The following SEM1 variants were observed in gnomAD, a reference collection of about 807,000 sequenced individuals.
SEM1 encodes the protein SEM1 26S proteasome subunit, also known as 26S proteasome complex subunit SEM1.
A neutral mutation model predicts 12.7 loss-of-function variants in SEM1; 3 were observed. The ratio of observed to expected loss-of-function variants is 0.24; its 90% CI spans 0.11 to 0.61. SEM1 has a LOEUF of 0.61. Ranked by LOEUF, SEM1 falls within the 20% of genes least tolerant of loss-of-function variation. SEM1 has a pLI of 0.88. For missense variants in SEM1, 59 were observed against 81.3 expected, an observed-to-expected ratio of 0.73 and a Z score of 1.06; for synonymous variants, 30 against 27.8, an observed-to-expected ratio of 1.08 and a Z score of -0.25.
intron 2 of SEM1, among the ~76,000 whole-genome samples, chr7:96,610,176 C>T (rs796836882): frequency 1.1e-4 from 16 of 152,026 alleles, no homozygotes; most frequent in Non-Finnish European, 1.5e-4. Context: ...CTCAGCTCAC[C>T]GCAACCTCCG....
intron 1 of SEM1, among the ~76,000 whole-genome samples, chr7:96,698,693 CTT>C (rs1175645835): frequency 6.6e-6 from 1 of 152,106 alleles, no homozygotes; most frequent in African/African-American, 2.4e-5. Flanking sequence ...GGTTCCAAGT[CTT>C]TGCTATTGTG....
intron 1 of SEM1, among the ~76,000 whole-genome samples, chr7:96,705,681 G>A (rs1206737403): frequency 2.0e-5 from 3 of 151,880 alleles, no homozygotes; most frequent in East Asian, 3.9e-4. Context: ...TTAGCCGGGC[G>A]TGGTGACGGG....
chr7:96,564,332 A>G (rs562337276), intron 2 of SEM1, among the ~76,000 whole-genome samples: 2 of 152,014 alleles, frequency 1.3e-5, no homozygotes, highest in East Asian at 1.9e-4. Context: ...TAACAGTAGT[A>G]TGAGAATGTG....
At chr7:96,582,440 G>A (rs796394848) in intron 2 of SEM1, among the ~76,000 whole-genome samples, 44 of 146,358 alleles carry the variant, frequency 3.0e-4, no homozygotes, top group Middle Eastern at 3.5e-3. Flanking sequence ...TCTCTTTTTT[G>A]GTTGTGTCTC....
intron 1 of SEM1, among the ~76,000 whole-genome samples, chr7:96,495,036 G>A (rs1016544359): frequency 4.6e-5 from 6 of 130,776 alleles, no homozygotes; most frequent in Non-Finnish European, 6.5e-5. Context: ...AAAACTCAGA[G>A]AGATAATGAG....
intron 2 of SEM1, among the ~76,000 whole-genome samples, chr7:96,582,993 G>T (rs866997137): frequency 6.6e-6 from 1 of 152,060 alleles, no homozygotes; most frequent in Middle Eastern, 3.2e-3. Context: ...TCTGATTTTA[G>T]TTATTTCTTG....
At chr7:96,485,613 G>T (rs1251588409) in intron 2 of SEM1, among the ~76,000 whole-genome samples, 1 of 138,444 alleles carries the variant, frequency 7.2e-6, no homozygotes, top group Non-Finnish European at 1.5e-5. Flanking sequence ...TGCGATCTCG[G>T]CTCACTGCAA....
At chr7:96,527,044 TAAAG>T (rs1804486540) in intron 2 of SEM1, among the ~76,000 whole-genome samples, 2 of 152,010 alleles carry the variant, frequency 1.3e-5, no homozygotes, top group Admixed American at 6.6e-5. Context: ...TCTGTGAACA[TAAAG>T]AAACGTATTT....
intron 2 of SEM1, among the ~76,000 whole-genome samples, chr7:96,654,402 G>A (rs1809108138): frequency 6.6e-6 from 1 of 152,180 alleles, no homozygotes; most frequent in African/African-American, 2.4e-5. Context: ...ACTTATGATG[G>A]TTCAACTTAT....
At chr7:96,642,167 T>C (rs1439539593) in intron 2 of SEM1, among the ~76,000 whole-genome samples, 4 of 152,064 alleles carry the variant, frequency 2.6e-5, no homozygotes, top group Admixed American at 2.6e-4. Context: ...ATCTAGAACA[T>C]TTTCATCATT....
chr7:96,583,015 C>G (rs1434836728), intron 2 of SEM1, among the ~76,000 whole-genome samples: 1 of 152,146 alleles, frequency 6.6e-6, no homozygotes, highest in African/African-American at 2.4e-5. Context: ...CTTCTGCTAT[C>G]TTTTGAATGT....
At chr7:96,519,693 G>A (rs1198993345) in intron 2 of SEM1, among the ~76,000 whole-genome samples, 2 of 152,052 alleles carry the variant, frequency 1.3e-5, no homozygotes, top group African/African-American at 4.8e-5. Flanking sequence ...AGTTTCCTGT[G>A]TTTAGACAAA....
chr7:96,568,147 G>A (rs572550153), intron 2 of SEM1, among the ~76,000 whole-genome samples: 1 of 151,752 alleles, frequency 6.6e-6, no homozygotes, highest in East Asian at 1.9e-4. Flanking sequence ...TGCAACTTTT[G>A]AACAACTTTT....
chr7:96,682,737 C>A (rs1011348667), intron 2 of SEM1, among the ~76,000 whole-genome samples: 1 of 151,884 alleles, frequency 6.6e-6, no homozygotes, highest in Admixed American at 6.6e-5. Flanking sequence ...GAACAGGTAA[C>A]CTACAGAATG....
intron 1 of SEM1, 25 bp from the exon 2 acceptor site, chr7:96,694,916 T>C: frequency 6.7e-7 from 1 of 1,494,450 alleles, no homozygotes; most frequent in Non-Finnish European, 9.3e-7. Flanking sequence ...AGATGCTGTC[T>C]AAATATTTCT....
At chr7:96,495,695 C>T (rs1223694312) in intron 1 of SEM1, among the ~76,000 whole-genome samples, 2 of 152,158 alleles carry the variant, frequency 1.3e-5, no homozygotes, top group African/African-American at 4.8e-5. Flanking sequence ...TTCCTTTCCC[C>T]TCTTCCAAAC....
At position 96,537,066 on chromosome 7, in the gene SEM1, C is replaced by A. The variant is rs541740586; in HGVS notation, c.171-30368G>T. Among the ~76,000 whole-genome samples, 31 of 151,800 alleles carry A rather than the reference C, an allele frequency of 2.0e-4. No individual in the cohort carries two copies. The South Asian group carries it at 6.4e-3, about 31-fold the overall frequency. Reference sequence around the variant, plus strand: ...CATTCTGTTTCAAATATTATTGTATCAATTTTACTTAAAATGTTAGTAGTT... The same window carrying A: ...CATTCTGTTTCAAATATTATTGTATAAATTTTACTTAAAATGTTAGTAGTT... On this transcript the variant is annotated intron_variant and NMD_transcript_variant, in intron 2 of 3. Coordinates refer to the SEM1 transcript ENST00000466986.
chr7:96,704,309 T>C (rs1041456069), intron 1 of SEM1, among the ~76,000 whole-genome samples: 1 of 152,178 alleles, frequency 6.6e-6, no homozygotes, highest in African/African-American at 2.4e-5. Context: ...ATAACTTTTT[T>C]GGGGAATTGT....
chr7:96,588,612 A>T (rs1806732719), intron 2 of SEM1, among the ~76,000 whole-genome samples: 1 of 151,946 alleles, frequency 6.6e-6, no homozygotes, highest in Non-Finnish European at 1.5e-5. Flanking sequence ...GATTATTAAG[A>T]GACAGATGTT....
Sources: allele counts gnomAD v4.1 joint callset (sites outside exome capture counted in the v4.1 genomes callset), GRCh38; gene constraint gnomAD v4.1.1; transcripts MANE v1.5; gene names NCBI Gene and HGNC (gene_info 2026-07-23, HGNC 2026-07-21).